The following KCNT2 variants were observed in gnomAD, a reference collection of about 807,000 sequenced individuals.
The protein encoded by KCNT2 is potassium channel subfamily T member 2.
Under a neutral mutation model 153.8 loss-of-function variants are expected in KCNT2, and 67 were observed. The ratio of observed to expected loss-of-function variants is 0.44; its 90% confidence interval spans 0.36 to 0.53. The LOEUF is 0.53. Among genes scored for constraint, KCNT2 ranks in the 20% least tolerant of loss-of-function variants. KCNT2 has a pLI of 0.00. For synonymous variants in KCNT2, 500 were observed against 458.8 expected, an observed-to-expected ratio of 1.09 and a Z score of -1.15; for missense variants, 975 against 1,354.8, an observed-to-expected ratio of 0.72 and a Z score of 4.40.
intron 5 of KCNT2, among the ~76,000 whole-genome samples, 167 bp downstream of exon 5, chr1:196,479,012 C>G (rs1224006259): frequency 6.6e-6 from 1 of 152,122 alleles, no homozygotes; most frequent in African/African-American, 2.4e-5. Context: ...TCAAGGAAAA[C>G]ATTACCGTAT....
At chr1:196,398,043 C>A (rs1390190572) in intron 13 of KCNT2, among the ~76,000 whole-genome samples, 1 of 151,374 alleles carries the variant, frequency 6.6e-6, no homozygotes, top group African/African-American at 2.4e-5. Context: ...ATTTTTAAAG[C>A]AGTACCTTCA....
chr1:196,474,055 T>A (rs1194625182), intron 5 of KCNT2, among the ~76,000 whole-genome samples: 4 of 152,106 alleles, frequency 2.6e-5, no homozygotes, highest in Non-Finnish European at 5.9e-5. Context: ...ATTGACAGAA[T>A]TCAATAAAAT....
At chr1:196,389,168 T>A (rs917782695) in intron 13 of KCNT2, among the ~76,000 whole-genome samples, 1 of 151,760 alleles carries the variant, frequency 6.6e-6, no homozygotes. Flanking sequence ...ATGACTATTG[T>A]AACCTTGGGA....
At chr1:196,522,959 A>G (rs1653658534) in intron 1 of KCNT2, among the ~76,000 whole-genome samples, 1 of 152,224 alleles carries the variant, frequency 6.6e-6, no homozygotes, top group Admixed American at 6.5e-5. Flanking sequence ...TGGCCACCCA[A>G]GCCAGTGTGG....
At chr1:196,595,627 T>TA (rs1663962967) in intron 1 of KCNT2, among the ~76,000 whole-genome samples, 1 of 152,200 alleles carries the variant, frequency 6.6e-6, no homozygotes, top group Non-Finnish European at 1.5e-5. Context: ...ATGTAAATGC[T>TA]ACGTAAATAA....
chr1:196,528,916 C>A (rs1039385931), intron 1 of KCNT2, among the ~76,000 whole-genome samples: 1 of 152,036 alleles, frequency 6.6e-6, no homozygotes, highest in African/African-American at 2.4e-5. Flanking sequence ...TTGCCCCATG[C>A]CTTTCATGCT....
chr1:196,285,960 T>C (rs1245679529), intron 22 of KCNT2, among the ~76,000 whole-genome samples: 3 of 151,998 alleles, frequency 2.0e-5, no homozygotes, highest in African/African-American at 7.3e-5. Flanking sequence ...AAACACCCAA[T>C]AGTGAAGAAA....
intron 8 of KCNT2, among the ~76,000 whole-genome samples, chr1:196,432,437 C>T (rs572312158): frequency 1.3e-4 from 20 of 152,246 alleles, no homozygotes; most frequent in South Asian, 6.2e-4. Context: ...GTAAACGCTG[C>T]TGTGTGGTCT....
At chr1:196,581,693 T>A (rs1662068302) in intron 1 of KCNT2, among the ~76,000 whole-genome samples, 1 of 152,090 alleles carries the variant, frequency 6.6e-6, no homozygotes, top group Non-Finnish European at 1.5e-5. Flanking sequence ...TTATAAAAAC[T>A]TTCCAAAAAG....
chr1:196,496,165 G>A (rs972473692), intron 1 of KCNT2, among the ~76,000 whole-genome samples: 12 of 151,856 alleles, frequency 7.9e-5, no homozygotes, highest in African/African-American at 2.7e-4. Flanking sequence ...GCTTCTTTGC[G>A]ACTTTAAGAG....
chr1:196,349,040 A>G (rs1666389329), intron 14 of KCNT2, among the ~76,000 whole-genome samples: 1 of 152,108 alleles, frequency 6.6e-6, no homozygotes. Flanking sequence ...AACAGCCAAT[A>G]CCAGTCAAGA....
intron 1 of KCNT2, among the ~76,000 whole-genome samples, chr1:196,571,502 G>A (rs188012346): frequency 6.6e-6 from 1 of 152,256 alleles, no homozygotes; most frequent in African/African-American, 2.4e-5. Flanking sequence ...AGGGACTGAA[G>A]TTAAGTTAGT....
In KCNT2 at chr1:196,374,470, T is replaced by C. The variant is rs1668784789; in HGVS notation, c.1295-1222A>G. Among the ~76,000 whole-genome samples, 3 of 151,860 alleles carry C rather than the reference T, an allele frequency of 2.0e-5. No individual in the cohort carries two copies. In the South Asian group the frequency reaches 6.2e-4, roughly 31 times the overall value. On this transcript the variant is annotated intron_variant, in intron 13 of 27. Transcript: ENST00000294725. ...ATTTTATGGAAGAAAATATATACTA[T>C]GGATATATGTCAGGATTTACTCAAA...
chr1:196,398,682 CA>C lies in KCNT2; in HGVS notation c.1186-12del. On this transcript the variant is annotated splice_polypyrimidine_tract_variant and intron_variant, in intron 12 of 27. Transcript: ENST00000294725. ...AATTGTTTGGTGATCCTGAAGTGAT[CA>C]AAATAAAAACATCATAGCATAAGTT... The C allele has an allele frequency of 7.1e-7, 1 of 1,401,152 alleles. No individual in the cohort carries two copies. Among genetic ancestry groups the C allele is most frequent in the Non-Finnish European group, 1.0e-6 (1 of 997,850 alleles). The allele number at this position is 1,401,152 out of a possible 1,614,324, so 86.8% of individuals were successfully genotyped here.
chr1:196,426,703 G>A (rs146904375), intron 10 of KCNT2, among the ~76,000 whole-genome samples: 2,638 of 151,746 alleles, frequency 0.017, 33 homozygotes, highest in Middle Eastern at 0.041. Context: ...ATTGATACTA[G>A]ATAAAGTTAA....
chr1:196,300,459 C>T (rs547572008), intron 22 of KCNT2, among the ~76,000 whole-genome samples: 26 of 152,166 alleles, frequency 1.7e-4, no homozygotes, highest in African/African-American at 5.8e-4. Context: ...TGAAGCAGGC[C>T]ATAAAATTTA....
intron 13 of KCNT2, 22 bp downstream of exon 13, chr1:196,398,541 C>A (rs201768615): frequency 3.2e-5 from 42 of 1,317,676 alleles, no homozygotes; most frequent in Non-Finnish European, 1.1e-5. Context: ...TTCAATGGAT[C>A]TCATGCAAGA....
intron 1 of KCNT2, among the ~76,000 whole-genome samples, chr1:196,568,824 T>C (rs1001314654): frequency 4.6e-5 from 7 of 151,430 alleles, no homozygotes; most frequent in African/African-American, 1.7e-4. Flanking sequence ...TTGAAGCAAA[T>C]AGTAAATACT....
chr1:196,394,541 T>C (rs1282871163), intron 13 of KCNT2, among the ~76,000 whole-genome samples: 1 of 151,548 alleles, frequency 6.6e-6, no homozygotes, highest in Admixed American at 6.6e-5. Flanking sequence ...TTTTTAGACA[T>C]CTTAATTTTA....
Sources: gnomAD v4.1 joint callset for allele counts (sites outside exome capture counted in the v4.1 genomes callset) on GRCh38, gnomAD v4.1.1 for gene constraint, MANE v1.5 for transcripts, NCBI Gene and HGNC (gene_info 2026-07-23, HGNC 2026-07-21) for gene names.